Variants in TAF9 observed in about 807,000 individuals in gnomAD.
The protein encoded by TAF9 is TATA-box binding protein associated factor 9.
Under a neutral mutation model 16.5 loss-of-function variants are expected in TAF9, and 10 were observed. The observed-to-expected ratio is 0.61, with a 90% CI of 0.37 to 1.03. TAF9 has a LOEUF of 1.03. Ranked by LOEUF, TAF9 falls within the 50% of genes least tolerant of loss-of-function variation. The pLI is 0.01. For missense variants in TAF9, 288 were observed against 319.1 expected (o/e 0.90, Z 0.74); for synonymous variants, 105 against 120.5 (o/e 0.87, Z 0.84).
Position 69,365,544 on chromosome 5 carries a change from G to A in TAF9, c.194C>T (p.Thr65Ile). ...KIYSSHAKKATVDADDVRLAI... is the reference protein window; with the variant it reads ...KIYSSHAKKAIVDADDVRLAI... ...CAATCGCACATCATCTGCATCAACA[G>A]TAGCTTTCTTAGCATGGCTTGAATA... The change falls in exon 3 of 3, where the codon ACT (threonine) becomes ATT (isoleucine). Residue 65 changes from threonine (T) to isoleucine (I), a missense_variant. Transcript: ENST00000217893. The A allele has an allele frequency of 6.2e-7, 1 of 1,613,972 alleles. No homozygotes were observed. Among genetic ancestry groups the A allele is most frequent in the Non-Finnish European group, 8.5e-7 (1 of 1,179,924 alleles).
intron 1 of TAF9, 55 bp downstream of exon 1, chr5:69,369,408 C>T (rs1247120557): frequency 6.3e-7 from 1 of 1,594,350 alleles, no homozygotes; most frequent in East Asian, 2.3e-5. Flanking sequence ...ATGCCCAGAG[C>T]ACTCTGCGCC....
At chr5:69,366,410 T>G in intron 2 of TAF9, 93 bp downstream of exon 2, 3 of 960,582 alleles carry the variant, frequency 3.1e-6, no homozygotes, top group Middle Eastern at 3.3e-4. Flanking sequence ...AATCTCTGTT[T>G]TTTGTACCCT....
At chr5:69,368,362 C>A (rs2150745253) in intron 1 of TAF9, among the ~76,000 whole-genome samples, 1 of 152,278 alleles carries the variant, frequency 6.6e-6, no homozygotes, top group Middle Eastern at 3.4e-3. Flanking sequence ...CAGGGATAAT[C>A]CAGTTCCCAT....
rs753570045 is a variant in TAF9, at chr5:69,365,329, A to G, written c.409T>C (p.Ser137Pro). The change falls in exon 3 of 3, where the codon TCA becomes CCA. Residue 137 changes from serine (S) to proline (P), a missense_variant. Coordinates refer to ENST00000217893, the MANE Select transcript of TAF9 (RefSeq NM_003187.5). ...ACTGTTATTCTTCCCGCAGAAGTTGATGCCTTTTTCTGTAAAGATTTCAGC... is the reference window on the plus strand; with the variant it reads ...ACTGTTATTCTTCCCGCAGAAGTTGGTGCCTTTTTCTGTAAAGATTTCAGC... ...YRLKSLQKKA[S>P]TSAGRITVPR... 2.8e-5 allele frequency: 46 copies of G among 1,614,216 alleles called. No individual in the cohort carries two copies. The East Asian group carries it at 7.8e-4, about 27-fold the overall frequency.
At chr5:69,369,362 GA>G (rs1762739520) in intron 1 of TAF9, 100 bp downstream of exon 1, 1 of 1,364,318 alleles carries the variant, frequency 7.3e-7, no homozygotes, top group African/African-American at 1.5e-5. Context: ...GCCGGCCTCT[GA>G]AGAGGGCAGT....
chr5:69,369,502 C>A lies in TAF9; in HGVS notation c.-150G>T. The A allele has an allele frequency of 1.2e-6, 2 of 1,611,336 alleles. No homozygotes were observed. The highest frequency in any genetic ancestry group is 8.5e-7 in the Non-Finnish European group (1 of 1,179,272). On this transcript the variant is annotated 5_prime_UTR_variant, in exon 1 of 3. Transcript: ENST00000217893. ...TTCGGAAGCAACATGGTCCCCGCCGCGACGGCTTCGGGCGCCTCGCTCACG... is the reference window on the plus strand; with the variant it reads ...TTCGGAAGCAACATGGTCCCCGCCGAGACGGCTTCGGGCGCCTCGCTCACG...
At chr5:69,369,236 GCC>G in intron 1 of TAF9, 4 of 114,624 alleles carry the variant, frequency 3.5e-5, no homozygotes, top group South Asian at 2.0e-4. Context: ...ACCCCCCCCC[GCC>G]CCCCCCCGGA....
chr5:69,369,660 G>C, upstream of TAF9: 1 of 1,559,160 alleles, frequency 6.4e-7, no homozygotes, highest in Non-Finnish European at 8.7e-7. Flanking sequence ...TGGTTACCTG[G>C]CTTTCGATGA....
chr5:69,365,402 A>G lies in TAF9; in HGVS notation c.336T>C (p.Gly112=). The change falls in exon 3 of 3, where the codon GGT becomes GGC. Residue 112 remains glycine, a synonymous_variant. Coordinates refer to ENST00000217893, the MANE Select transcript of TAF9 (RefSeq NM_003187.5). ...TPLPLIKPYS[G]PRLPPDRYCL... ...AGTATCTATCAGGTGGCAACCTAGGACCTGAATATGGCTTGATCAATGGCA... is the reference window on the plus strand; with the variant it reads ...AGTATCTATCAGGTGGCAACCTAGGGCCTGAATATGGCTTGATCAATGGCA... 3.1e-6 allele frequency: 5 copies of G among 1,614,190 alleles called. No homozygotes were observed. Among genetic ancestry groups the G allele is most frequent in the Non-Finnish European group, 4.2e-6 (5 of 1,180,030 alleles).
In TAF9 at chr5:69,369,069, T is replaced by C. The variant is rs895815278; in HGVS notation, c.-111+394A>G. 1.9e-4 allele frequency: 54 copies of C among 283,352 alleles called. No individual in the cohort carries two copies. The Admixed American group carries it at 2.7e-3, about 14-fold the overall frequency. 17.6% of individuals were successfully genotyped at this position (283,352 alleles called of 1,614,324 possible). A position where few individuals can be genotyped will look rare whatever the true frequency, so the allele number is the denominator to read the frequency against. ...GAGTGAGGCATCCACCATTAATGAC[T>C]CTACCGGGAAGCAGATATGGCCTTA... On this transcript the variant is annotated intron_variant, in intron 1 of 2. Coordinates refer to ENST00000217893, the MANE Select transcript of TAF9 (RefSeq NM_003187.5).
Position 69,365,571 on chromosome 5 carries a change from A to C in TAF9, c.167T>G (p.Ile56Ser), listed in dbSNP as rs376721865. Residue 56 changes from isoleucine (I) to serine (S), a missense_variant, in exon 3 of 3, where the codon ATT becomes AGT. By Grantham distance (142) the Ile-to-Ser change is moderately radical. Transcript: ENST00000217893. ...YVTTILDDAK[I>S]YSSHAKKATV... ...AGCTTTCTTAGCATGGCTTGAATAA[A>C]TTTTTGCATCATCTAGAATTGTGGT... The C allele has an allele frequency of 9.3e-6, 15 of 1,613,956 alleles. No homozygotes were observed. The African/African-American group carries it at 1.9e-4, about 20-fold the overall frequency.
At chr5:69,369,391 G>T in intron 1 of TAF9, 72 bp downstream of exon 1, 1 of 1,554,140 alleles carries the variant, frequency 6.4e-7, no homozygotes. Flanking sequence ...CCCCACCTGG[G>T]CGCCCGATGC....
chr5:69,369,228 C>T (rs17236149), intron 1 of TAF9: 19 of 66,124 alleles, frequency 2.9e-4, no homozygotes, highest in South Asian at 3.9e-4. Context: ...CTCTCTCCAC[C>T]CCCCCCCGCC....
chr5:69,368,951 C>T (rs4252219), intron 1 of TAF9: 1 of 155,972 alleles, frequency 6.4e-6, no homozygotes, highest in African/African-American at 2.4e-5. Context: ...AATTTCGTCA[C>T]GTCACAAACA....
intron 1 of TAF9, among the ~76,000 whole-genome samples, chr5:69,368,256 G>A (rs1762592457): frequency 6.6e-6 from 1 of 151,970 alleles, no homozygotes; most frequent in African/African-American, 2.4e-5. Flanking sequence ...TTCCCCTTCT[G>A]ATACCTATTA....
rs915752885 is a variant in TAF9 at position 69,368,615 on chromosome 5, C to G, written c.-111+848G>C. On this transcript the variant is annotated intron_variant, in intron 1 of 2. Coordinates refer to ENST00000217893, the MANE Select transcript of TAF9 (RefSeq NM_003187.5). ...GAAACAGACATGTCTTGTGCGCTGC[C>G]AACAATTTTACCTTTGGGTGAATGA... 3.3e-5 allele frequency among the ~76,000 whole-genome samples: 5 copies of G among 152,072 alleles called. No individual in the cohort carries two copies. In the East Asian group the frequency reaches 9.6e-4, roughly 29 times the overall value.
chr5:69,367,391 T>C (rs1033275715), intron 1 of TAF9, among the ~76,000 whole-genome samples: 6 of 150,234 alleles, frequency 4.0e-5, no homozygotes, highest in African/African-American at 1.5e-4. Flanking sequence ...GTGCCTGTAA[T>C]CCCAGCTACT....
At chr5:69,369,531 C>T (rs760502949), upstream of TAF9, 14 of 1,611,430 alleles carry the variant, frequency 8.7e-6, no homozygotes, top group Admixed American at 1.7e-5. Flanking sequence ...GCTCACGTGC[C>T]CTTTGCTCTA....
chr5:69,367,067 A>G (rs1326682350), intron 1 of TAF9, among the ~76,000 whole-genome samples: 1 of 152,018 alleles, frequency 6.6e-6, no homozygotes, highest in Non-Finnish European at 1.5e-5. Flanking sequence ...CCATATGTAA[A>G]TTAGCATGTA....
Sources: allele counts gnomAD v4.1 joint callset (sites outside exome capture counted in the v4.1 genomes callset), GRCh38; gene constraint gnomAD v4.1.1; transcripts MANE v1.5; gene names NCBI Gene and HGNC (gene_info 2026-07-23, HGNC 2026-07-21).